The following NCF2 variants were observed in gnomAD, a reference collection of about 807,000 sequenced individuals.
NCF2 encodes the protein neutrophil cytosol factor 2.
A neutral mutation model predicts 70.9 loss-of-function variants in NCF2; 45 were observed. That is an observed-to-expected ratio of 0.63 (90% confidence interval 0.50 to 0.81). The LOEUF (loss-of-function observed/expected upper bound fraction) is 0.81, where lower values mean the gene tolerates loss of function less well. Ranked by LOEUF, NCF2 falls within the 40% of genes least tolerant of loss-of-function variation. NCF2 has a pLI of 0.00. For synonymous variants in NCF2, 203 were observed against 233.6 expected (o/e 0.87, Z 1.19); for missense variants, 522 against 631.6 (o/e 0.83, Z 1.86).
intron 5 of NCF2, among the ~76,000 whole-genome samples, chr1:183,571,166 G>T (rs1439451526): frequency 5.5e-5 from 7 of 128,202 alleles, no homozygotes; most frequent in Non-Finnish European, 9.3e-5. Context: ...TACCCAGACT[G>T]GAGTGCAGTG....
At chr1:183,599,467 TTTCTTTCTTTCTTTCTC>T in the NCF2 span, among the ~76,000 whole-genome samples, 20 of 142,712 alleles carry the variant, frequency 1.4e-4, 1 homozygote, top group East Asian at 4.0e-4. Flanking sequence ...TCTTTCTTTC[TTTCTTTCTTTCTTTCTC>T]TTTTCTTTCT....
the NCF2 span, among the ~76,000 whole-genome samples, chr1:183,600,612 C>A: frequency 6.7e-6 from 1 of 150,138 alleles, no homozygotes; most frequent in Non-Finnish European, 1.5e-5. Flanking sequence ...TTATTTCAGT[C>A]TTTTTTTTTT....
At position 183,574,488 on chromosome 1, in the gene NCF2, C is replaced by T; in HGVS notation, c.500G>A (p.Trp167Ter). ...SKIDKAMECV[W>*]KQKLYEPVVI... ...CACCTGCATCACCAATACGCTTACC[C>T]AGACACACTCCATCGCCTTGTCGAT... is the stretch of plus-strand genomic sequence containing the variant. The change falls in exon 4 of 15, where the codon TGG (tryptophan) becomes TAG (stop). Residue 167 changes from tryptophan (W) to a stop codon, truncating the protein, a stop_gained and splice_region_variant. Coordinates refer to ENST00000367535, the MANE Select transcript of NCF2 (RefSeq NM_000433.4). LOFTEE classifies it high-confidence loss of function. The T allele has an allele frequency of 6.2e-7, 1 of 1,614,222 alleles. No individual in the cohort carries two copies. Among genetic ancestry groups the T allele is most frequent in the East Asian group, 2.2e-5 (1 of 44,886 alleles).
At chr1:183,560,990 A>T (rs1270480112) in intron 13 of NCF2, among the ~76,000 whole-genome samples, 1 of 152,222 alleles carries the variant, frequency 6.6e-6, no homozygotes, top group Non-Finnish European at 1.5e-5. Context: ...ACTAAATCAG[A>T]AACTCCCTGA....
At chr1:183,572,390 G>T (rs1672608561) in intron 5 of NCF2, among the ~76,000 whole-genome samples, 1 of 152,066 alleles carries the variant, frequency 6.6e-6, no homozygotes, top group Non-Finnish European at 1.5e-5. Context: ...CACCATGTTG[G>T]CCAGCCTGGT....
At chr1:183,597,568 T>C in the NCF2 span, among the ~76,000 whole-genome samples, 1 of 152,182 alleles carries the variant, frequency 6.6e-6, no homozygotes, top group Admixed American at 6.5e-5. Context: ...ACCCAAATAG[T>C]GAACATAGTA....
At chr1:183,574,705 A>T in intron 3 of NCF2, 84 bp from the exon 4 acceptor site, 2 of 1,524,488 alleles carry the variant, frequency 1.3e-6, no homozygotes, top group South Asian at 2.2e-5. Flanking sequence ...ATACTCTGAG[A>T]ATGTTGCCTG....
At chr1:183,573,134 A>G (rs1235910050) in intron 5 of NCF2, 51 bp downstream of exon 5, 6 of 1,551,756 alleles carry the variant, frequency 3.9e-6, no homozygotes, top group Non-Finnish European at 3.6e-6. Context: ...ACCTTGCTCC[A>G]CATGGCCCGG....
chr1:183,589,055 G>T (rs537302019), intron 1 of NCF2, among the ~76,000 whole-genome samples: 1 of 152,230 alleles, frequency 6.6e-6, no homozygotes, highest in Admixed American at 6.5e-5. Flanking sequence ...AGCCAGAGGT[G>T]GGGGGTCCTG....
At chr1:183,563,786 G>A in intron 11 of NCF2, 1 of 809,714 alleles carries the variant, frequency 1.2e-6, no homozygotes, top group Non-Finnish European at 2.0e-6. Flanking sequence ...AATTCCTACT[G>A]AGTAAGATCT....
chr1:183,588,997 AGCCCCTCAGCAG>A (rs1202132103), intron 1 of NCF2, among the ~76,000 whole-genome samples: 2 of 152,218 alleles, frequency 1.3e-5, no homozygotes, highest in East Asian at 3.8e-4. Flanking sequence ...CTGTTCACTC[AGCCCCTCAGCAG>A]GCCCCTGAGA....
intron 6 of NCF2, among the ~76,000 whole-genome samples, chr1:183,570,535 G>A (rs575180424): frequency 1.4e-4 from 21 of 152,362 alleles, no homozygotes; most frequent in African/African-American, 4.8e-4. Context: ...GTGAAGACCG[G>A]CATTTGTGGG....
At chr1:183,576,775 G>A (rs1017489936) in intron 3 of NCF2, among the ~76,000 whole-genome samples, 2 of 152,178 alleles carry the variant, frequency 1.3e-5, no homozygotes, top group South Asian at 2.1e-4. Context: ...AGCCCTGAGC[G>A]ACCCTGGGAA....
At chr1:183,580,622 G>T (rs10911363) in intron 2 of NCF2, among the ~76,000 whole-genome samples, 46,158 of 151,918 alleles carry the variant, frequency 0.3, 7,217 homozygotes, top group East Asian at 0.55. Context: ...GACACCACCT[G>T]GGTCTATCTG....
chr1:183,558,228 C>T (rs1464363514), intron 14 of NCF2, among the ~76,000 whole-genome samples: 3 of 151,750 alleles, frequency 2.0e-5, no homozygotes, highest in Non-Finnish European at 2.9e-5. Flanking sequence ...ACTCTCTCTA[C>T]CCCCATTAAC....
In NCF2 at chr1:183,560,096, C is replaced by T; in HGVS notation, c.1468G>A (p.Val490Met). The stretch of plus-strand genomic sequence containing the variant: ...TCTATAGTCTTGGAGTAGCACTTAC[C>T]CTTTGATAACACCAGGATTATATCC... ...EGDIILVLSK[V>M]NEEWLEGECK... Residue 490 changes from valine to methionine, a missense_variant and splice_region_variant, in exon 14 of 15, where the codon GTG (valine) becomes ATG (methionine). Coordinates refer to ENST00000367535, the MANE Select transcript of NCF2 (RefSeq NM_000433.4). The T allele has an allele frequency of 6.2e-7, 1 of 1,613,966 alleles. No homozygotes were observed. Among genetic ancestry groups the T allele is most frequent in the South Asian group, 1.1e-5 (1 of 91,068 alleles).
In NCF2 at chr1:183,563,275, G is replaced by C; in HGVS notation, c.1210C>G (p.Pro404Ala). 2.5e-6 allele frequency: 4 copies of C among 1,614,154 alleles called. No individual in the cohort carries two copies. The highest frequency in any genetic ancestry group is 3.4e-6 in the Non-Finnish European group (4 of 1,180,022). ...TCCTTCATGCTGTCTTCTGAAAGGG[G>C]CACCAGCTCATTGCTGTCCCGAGGC... Reference protein sequence around the residue: ...YRPRDSNELVPLSEDSMKDAW... With the variant: ...YRPRDSNELVALSEDSMKDAW... Residue 404 changes from proline to alanine, a missense_variant, in exon 13 of 15, where the codon CCC becomes GCC. By Grantham distance (27) the Pro-to-Ala change is conservative. Coordinates refer to ENST00000367535, the MANE Select transcript of NCF2 (RefSeq NM_000433.4).
At chr1:183,563,845 G>GTCC in intron 11 of NCF2, 160 bp downstream of exon 11, 1 of 870,712 alleles carries the variant, frequency 1.1e-6, no homozygotes, top group East Asian at 2.4e-5. Context: ...AGTGGAGGAG[G>GTCC]CTATTAAGAA....
upstream of NCF2, among the ~76,000 whole-genome samples, chr1:183,594,825 A>C (rs1005264037): frequency 3.9e-5 from 6 of 152,206 alleles, no homozygotes; most frequent in African/African-American, 1.4e-4. Flanking sequence ...CTGTAAAATC[A>C]AAATAAAACT....
Sources: gnomAD v4.1 joint callset for allele counts (sites outside exome capture counted in the v4.1 genomes callset) on GRCh38, gnomAD v4.1.1 for gene constraint, MANE v1.5 for transcripts, NCBI Gene and HGNC (gene_info 2026-07-23, HGNC 2026-07-21) for gene names.